The following CDKN3 variants were observed in gnomAD, a reference collection of about 807,000 sequenced individuals.
The protein encoded by CDKN3 is cyclin-dependent kinase inhibitor 3.
Under a neutral mutation model 36.1 loss-of-function variants are expected in CDKN3, and 19 were observed. The observed-to-expected ratio is 0.53, with a 90% confidence interval of 0.37 to 0.77. CDKN3 has a LOEUF of 0.77. CDKN3 is among the 30% of genes least tolerant of loss of function. The pLI, the probability that CDKN3 is intolerant of heterozygous loss-of-function variation, is 0.00. For synonymous variants in CDKN3, 71 were observed against 85.3 expected (o/e 0.83, Z 0.92); for missense variants, 188 against 248.6 (o/e 0.76, Z 1.64).
intron 1 of CDKN3, among the ~76,000 whole-genome samples, chr14:54,398,987 C>CTTTTTTTTTTTTTTTTTTTTTTT (rs113342693): frequency 1.8e-5 from 2 of 109,276 alleles, no homozygotes; most frequent in Non-Finnish European, 3.5e-5. Context: ...TTTCTTCTTC[C>CTTTTTTTTTTTTTTTTTTTTTTT]TTTTTTTTTT....
chr14:54,397,151 G>T, intron 1 of CDKN3, 74 bp downstream of exon 1: 3 of 1,395,140 alleles, frequency 2.2e-6, no homozygotes, highest in Non-Finnish European at 2.8e-6. Flanking sequence ...CCGATCCTGG[G>T]CCGGAGGGCA....
intron 5 of CDKN3, among the ~76,000 whole-genome samples, chr14:54,414,394 G>T (rs531852223): frequency 1.3e-5 from 2 of 152,164 alleles, no homozygotes; most frequent in South Asian, 4.1e-4. Flanking sequence ...GATCCTTTCT[G>T]TAGGAGCACA....
chr14:54,409,890 C>CAA (rs550669317), intron 4 of CDKN3, among the ~76,000 whole-genome samples: 19 of 117,640 alleles, frequency 1.6e-4, no homozygotes, highest in East Asian at 2.5e-4. Flanking sequence ...GACCCTGCCT[C>CAA]AAAAAAAAAA....
chr14:54,407,491 A>G (rs2030201436), intron 3 of CDKN3, among the ~76,000 whole-genome samples: 2 of 152,186 alleles, frequency 1.3e-5, no homozygotes, highest in Non-Finnish European at 2.9e-5. Flanking sequence ...AAGGGAGTTT[A>G]TCTATAAGCC....
intron 5 of CDKN3, chr14:54,414,023 C>T (rs1337383527): frequency 4.9e-6 from 1 of 203,074 alleles, no homozygotes; most frequent in African/African-American, 2.3e-5. Context: ...CATGGCAGGC[C>T]TTGGCTTGCA....
intron 7 of CDKN3, 192 bp downstream of exon 7, chr14:54,418,143 G>A: frequency 1.4e-6 from 1 of 707,034 alleles, no homozygotes; most frequent in Non-Finnish European, 2.6e-6. Flanking sequence ...TATAATCCAG[G>A]TAGTCTAAAA....
At chr14:54,419,157 C>CAAAAAAA (rs770520508) in intron 7 of CDKN3, among the ~76,000 whole-genome samples, 1 of 125,054 alleles carries the variant, frequency 8.0e-6, no homozygotes. Flanking sequence ...GACCCTGTCT[C>CAAAAAAA]AAAAAAAAAA....
intron 2 of CDKN3, among the ~76,000 whole-genome samples, chr14:54,400,181 CTTTT>C (rs56022133): frequency 8.0e-5 from 11 of 137,302 alleles, no homozygotes; most frequent in African/African-American, 2.9e-4. Flanking sequence ...GAATAAGACC[CTTTT>C]TTTTTTTTGG....
intron 6 of CDKN3, among the ~76,000 whole-genome samples, chr14:54,417,599 A>G (rs2030592389): frequency 6.6e-6 from 1 of 152,198 alleles, no homozygotes; most frequent in Admixed American, 6.5e-5. Context: ...AATATACTAA[A>G]TCACTGAATG....
Position 54,411,603 on chromosome 14 carries a change from C to G in CDKN3, c.313C>G (p.His105Asp), listed in dbSNP as rs757769126. Reference sequence around the variant, plus strand: ...CCAGCAATGTGGAATTATCACCCATCATCATCCAATCGCAGATGGAGGGAC... The same window carrying G: ...CCAGCAATGTGGAATTATCACCCATGATCATCCAATCGCAGATGGAGGGAC... ...LYQQCGIITH[H>D]HPIADGGTPD... The change falls in exon 5 of 8, where the codon CAT becomes GAT. Residue 105 changes from histidine to aspartate, a missense_variant. Physicochemically the swap from His to Asp is moderately conservative, Grantham distance 81. Coordinates refer to ENST00000335183, the MANE Select transcript of CDKN3 (RefSeq NM_005192.4). 1 of 1,613,940 alleles carries G rather than the reference C, an allele frequency of 6.2e-7. No individual in the cohort carries two copies. Among genetic ancestry groups the G allele is most frequent in the Admixed American group, 1.7e-5 (1 of 60,030 alleles).
At chr14:54,401,065 C>T (rs2029920267) in intron 2 of CDKN3, among the ~76,000 whole-genome samples, 1 of 152,174 alleles carries the variant, frequency 6.6e-6, no homozygotes, top group South Asian at 2.1e-4. Flanking sequence ...CACAGGATAA[C>T]ATAAGTACAC....
chr14:54,402,226 A>G (rs963393910), intron 3 of CDKN3, among the ~76,000 whole-genome samples: 3 of 151,364 alleles, frequency 2.0e-5, no homozygotes, highest in Non-Finnish European at 4.4e-5. Flanking sequence ...AAAAAGAATA[A>G]TAGTCTCCAG....
chr14:54,418,573 A>G (rs372830980), intron 7 of CDKN3, among the ~76,000 whole-genome samples: 1 of 152,138 alleles, frequency 6.6e-6, no homozygotes, highest in East Asian at 1.9e-4. Context: ...GTAGATCTGT[A>G]AAGCTAATGT....
At chr14:54,419,660 A>G (rs567087982) in intron 7 of CDKN3, among the ~76,000 whole-genome samples, 33 of 152,236 alleles carry the variant, frequency 2.2e-4, no homozygotes, top group Admixed American at 2.6e-4. Flanking sequence ...ACCAGGGGGG[A>G]AAAATGTTAG....
intron 4 of CDKN3, chr14:54,411,262 A>T: frequency 2.0e-6 from 1 of 494,604 alleles, no homozygotes; most frequent in Non-Finnish European, 3.6e-6. Context: ...ACAGCAATTG[A>T]CTTATTTTGA....
intron 3 of CDKN3, among the ~76,000 whole-genome samples, chr14:54,404,282 G>C (rs1467410456): frequency 1.3e-5 from 2 of 152,070 alleles, no homozygotes; most frequent in African/African-American, 4.8e-5. Flanking sequence ...AGTCTTGGGA[G>C]GGTGTATGTG....
At chr14:54,398,700 G>C (rs1886388449) in intron 1 of CDKN3, among the ~76,000 whole-genome samples, 1 of 152,108 alleles carries the variant, frequency 6.6e-6, no homozygotes, top group Non-Finnish European at 1.5e-5. Context: ...TTTCAACAAG[G>C]AGTGTAGAAG....
chr14:54,404,705 G>T (rs1312446396), intron 3 of CDKN3, among the ~76,000 whole-genome samples: 1 of 152,118 alleles, frequency 6.6e-6, no homozygotes, highest in East Asian at 1.9e-4. Context: ...CTCCCTAGTA[G>T]CTGGGACTAC....
At chr14:54,412,591 TAAGGA>T (rs946927538) in intron 5 of CDKN3, among the ~76,000 whole-genome samples, 29 of 152,070 alleles carry the variant, frequency 1.9e-4, no homozygotes, top group African/African-American at 6.7e-4. Context: ...GAAGATGGGT[TAAGGA>T]AAGGGGACAA....
Sources: gnomAD v4.1 joint callset for allele counts (sites outside exome capture counted in the v4.1 genomes callset) on GRCh38, gnomAD v4.1.1 for gene constraint, MANE v1.5 for transcripts, NCBI Gene and HGNC (gene_info 2026-07-23, HGNC 2026-07-21) for gene names.